MAGED1: variants seen among roughly 807,000 people sequenced by gnomAD.
MAGED1 encodes the protein melanoma-associated antigen D1.
A neutral mutation model predicts 54.1 loss-of-function variants in MAGED1; 3 were observed. The ratio of observed to expected loss-of-function variants is 0.06; its 90% CI spans 0.03 to 0.14. MAGED1 has a LOEUF of 0.14. Ranked by LOEUF, MAGED1 falls within the 10% of genes least tolerant of loss-of-function variation. The pLI is 1.00. For missense variants in MAGED1, 485 were observed against 623.4 expected, an observed-to-expected ratio of 0.78 and a Z score of 2.36; for synonymous variants, 217 against 227.3, an observed-to-expected ratio of 0.95 and a Z score of 0.41.
chrX:51,824,216 C>G (rs1602215319), intron 1 of MAGED1, among the ~76,000 whole-genome samples: 1 of 111,425 alleles, frequency 9.0e-6, no homozygotes, highest in African/African-American at 3.3e-5. Flanking sequence ...TACTTGATAT[C>G]TCTTTCAGTT....
intron 1 of MAGED1, among the ~76,000 whole-genome samples, chrX:51,820,564 A>G (rs1925585448): frequency 9.0e-6 from 1 of 111,265 alleles, no homozygotes; most frequent in African/African-American, 3.3e-5. Context: ...CTAAGTGTTG[A>G]ATTTTTCTTT....
chrX:51,815,816 C>T (rs1925400733), intron 1 of MAGED1, among the ~76,000 whole-genome samples: 1 of 110,330 alleles, frequency 9.1e-6, no homozygotes, highest in African/African-American at 3.3e-5. Context: ...CCACTGTGCC[C>T]GGCCATGTGT....
chrX:51,840,583 C>T (rs1294413167), intron 1 of MAGED1, among the ~76,000 whole-genome samples: 2 of 109,351 alleles, frequency 1.8e-5, no homozygotes, highest in Non-Finnish European at 1.9e-5. Context: ...ATCCCTCCCC[C>T]CTTCCCCCAC....
chrX:51,866,943 TTA>T (rs1358685619), intron 1 of MAGED1, among the ~76,000 whole-genome samples: 1 of 111,924 alleles, frequency 8.9e-6, no homozygotes, highest in Non-Finnish European at 1.9e-5. Context: ...TAAAGAGAAT[TTA>T]TATGATTTCA....
rs782478499 is a variant in MAGED1, at chrX:51,848,146, C to T, written c.-37+45029C>T. ...AAACTAGGGGGATTTGACATCTTTT[C>T]ATATATTGACTGGCCATTCTTTTTT... On this transcript the variant is annotated intron_variant, in intron 1 of 12. Transcript: ENST00000375772. Among the ~76,000 whole-genome samples the T allele has an allele frequency of 6.3e-5, 7 of 111,600 alleles. No individual in the cohort carries two copies. In the South Asian group the frequency reaches 2.2e-3, roughly 36 times the overall value.
intron 1 of MAGED1, among the ~76,000 whole-genome samples, chrX:51,843,103 A>G (rs1557358901): frequency 9.0e-6 from 1 of 111,681 alleles, no homozygotes; most frequent in East Asian, 2.8e-4. Context: ...CTTTGTTGCC[A>G]ATGTTTGTTG....
intron 1 of MAGED1, among the ~76,000 whole-genome samples, chrX:51,811,995 C>A (rs1282571721): frequency 9.1e-6 from 1 of 110,046 alleles, no homozygotes; most frequent in Non-Finnish European, 1.9e-5. Flanking sequence ...ATGTTTTCAA[C>A]TGAGTGAGGT....
chrX:51,826,628 GC>G (rs1478460304), intron 1 of MAGED1, among the ~76,000 whole-genome samples: 1 of 112,078 alleles, frequency 8.9e-6, no homozygotes, highest in Non-Finnish European at 1.9e-5. Context: ...ATAAGCATGT[GC>G]AAAGATGCTC....
At chrX:51,851,628 A>G (rs1926893728) in intron 1 of MAGED1, among the ~76,000 whole-genome samples, 1 of 109,062 alleles carries the variant, frequency 9.2e-6, no homozygotes. Context: ...TTATTGCACC[A>G]TACTTACCTT....
At chrX:51,862,461 A>G (rs1927316809) in intron 1 of MAGED1, among the ~76,000 whole-genome samples, 1 of 111,254 alleles carries the variant, frequency 9.0e-6, no homozygotes. Flanking sequence ...CTATCCAATC[A>G]CACCTTCCTG....
rs895801470 is a variant in MAGED1, at chrX:51,893,646, C to A, written c.-146C>A. On this transcript the variant is annotated 5_prime_UTR_variant, in exon 1 of 13. Transcript: ENST00000326587. ...CCAAGCTGCCGCGCTGGCATTTTCT[C>A]CTGGACAAGGAGAGAGTGCGGCTGC... The A allele has an allele frequency of 8.8e-6, 1 of 113,485 alleles. No homozygotes were observed. The highest frequency in any genetic ancestry group is 3.6e-4 in the South Asian group (1 of 2,796). 9.4% of individuals were successfully genotyped at this position (113,485 alleles called of 1,213,427 possible).
chrX:51,897,115 T>C, intron 4 of MAGED1, 38 bp downstream of exon 4: 2 of 1,199,949 alleles, frequency 1.7e-6, no homozygotes, highest in Non-Finnish European at 2.3e-6. Flanking sequence ...TTCCCCTCTC[T>C]TGCTCTTTTC....
intron 1 of MAGED1, among the ~76,000 whole-genome samples, chrX:51,829,292 C>T (rs1925971572): frequency 9.1e-6 from 1 of 110,019 alleles, no homozygotes; most frequent in Non-Finnish European, 1.9e-5. Context: ...ATAGAGAATA[C>T]AGAAATAGAC....
intron 2 of MAGED1, 76 bp from the exon 3 acceptor site, chrX:51,894,977 C>T: frequency 1.0e-6 from 1 of 971,329 alleles, no homozygotes; most frequent in Non-Finnish European, 1.4e-6. Flanking sequence ...TGCGCTGCCA[C>T]CCGGGCTCCC....
intron 1 of MAGED1, among the ~76,000 whole-genome samples, chrX:51,874,836 T>A (rs1927811468): frequency 9.0e-6 from 1 of 111,012 alleles, no homozygotes; most frequent in Admixed American, 9.6e-5. Flanking sequence ...GGTTTTTTTT[T>A]AATTCGATGC....
At position 51,898,168 on chromosome X, in the gene MAGED1, C is replaced by A; in HGVS notation, c.1713C>A (p.Phe571Leu). 1 of 1,211,519 alleles carries A rather than the reference C, an allele frequency of 8.3e-7. No individual in the cohort carries two copies. The highest frequency in any genetic ancestry group is 1.7e-5 in the African/African-American group (1 of 57,757). ...GLLLVILGVI[F>L]MNGNRASEAV... ...TCTTGGTGATTCTGGGTGTCATCTTCATGAATGGCAACCGTGCCAGTGAGG... is the reference window on the plus strand; with the variant it reads ...TCTTGGTGATTCTGGGTGTCATCTTAATGAATGGCAACCGTGCCAGTGAGG... The change falls in exon 8 of 13, where the codon TTC (phenylalanine) becomes TTA (leucine). Residue 571 changes from phenylalanine (F) to leucine (L), a missense_variant. Coordinates refer to ENST00000326587, the MANE Select transcript of MAGED1 (RefSeq NM_006986.4).
intron 1 of MAGED1, among the ~76,000 whole-genome samples, chrX:51,833,537 G>C (rs375314157): frequency 9.0e-6 from 1 of 111,360 alleles, no homozygotes; most frequent in East Asian, 2.8e-4. Context: ...TATGTTTGAA[G>C]ATTCTTAATC....
At chrX:51,876,399 CA>C (rs1311040312) in intron 1 of MAGED1, among the ~76,000 whole-genome samples, 1 of 110,569 alleles carries the variant, frequency 9.0e-6, no homozygotes, top group Admixed American at 9.6e-5. Context: ...TGAGAAATTT[CA>C]ACCTGGAGAG....
chrX:51,876,467 C>T (rs1177786325), intron 1 of MAGED1, among the ~76,000 whole-genome samples: 3 of 111,129 alleles, frequency 2.7e-5, no homozygotes, highest in Non-Finnish European at 3.8e-5. Flanking sequence ...CATGCAGACT[C>T]CCCCAATCTG....
Sources: gnomAD v4.1 joint callset for allele counts (sites outside exome capture counted in the v4.1 genomes callset) on GRCh38, gnomAD v4.1.1 for gene constraint, MANE v1.5 for transcripts, NCBI Gene and HGNC (gene_info 2026-07-23, HGNC 2026-07-21) for gene names.